Variants in DCUN1D5 observed in about 807,000 individuals in gnomAD.
DCUN1D5 encodes defective in cullin neddylation 1 domain containing 5.
Under a neutral mutation model 38.3 loss-of-function variants are expected in DCUN1D5, and 10 were observed. The ratio of observed to expected loss-of-function variants is 0.26; its 90% CI spans 0.16 to 0.44. The LOEUF is 0.44. Ranked by LOEUF, DCUN1D5 falls within the 20% of genes least tolerant of loss-of-function variation. The pLI is 1.00. For synonymous variants in DCUN1D5, 93 were observed against 90.9 expected, an observed-to-expected ratio of 1.02 and a Z score of -0.13; for missense variants, 148 against 275.3, an observed-to-expected ratio of 0.54 and a Z score of 3.27.
chr11:103,072,928 T>C (rs867507771), intron 4 of DCUN1D5, among the ~76,000 whole-genome samples: 1 of 152,012 alleles, frequency 6.6e-6, no homozygotes, highest in Non-Finnish European at 1.5e-5. Flanking sequence ...ATAAAAGATA[T>C]ATAGATCAGA....
At chr11:103,084,391 T>G (rs1378005771) in intron 2 of DCUN1D5, among the ~76,000 whole-genome samples, 1 of 152,220 alleles carries the variant, frequency 6.6e-6, no homozygotes, top group African/African-American at 2.4e-5. Flanking sequence ...TCTTGCTGCC[T>G]GAGATCCAAG....
At position 103,063,468 on chromosome 11, in the gene DCUN1D5, G is replaced by A. The variant is rs981330414; in HGVS notation, c.658+807C>T. ...ATACTAAATTTTATACCATCTTGTA[G>A]AGAGAGGACAAAATATATGTGGGAA... On this transcript the variant is annotated intron_variant, in intron 7 of 7. Coordinates refer to ENST00000260247, the MANE Select transcript of DCUN1D5 (RefSeq NM_032299.4). The surrounding 1 kb of genome is among the most constrained non-coding windows in gnomAD (Gnocchi z 4.6). Among the ~76,000 whole-genome samples, 5 of 152,040 alleles carry A rather than the reference G, an allele frequency of 3.3e-5. No homozygotes were observed. The highest frequency in any genetic ancestry group is 7.4e-5 in the Non-Finnish European group (5 of 67,960).
chr11:103,079,380 T>G (rs1453528797), intron 4 of DCUN1D5, among the ~76,000 whole-genome samples: 1 of 152,230 alleles, frequency 6.6e-6, no homozygotes, highest in Non-Finnish European at 1.5e-5. Context: ...TGATCACCAG[T>G]AAGTGATACT....
chr11:103,076,845 AT>A (rs764969430), intron 4 of DCUN1D5, among the ~76,000 whole-genome samples: 3 of 152,212 alleles, frequency 2.0e-5, no homozygotes. Flanking sequence ...ACGTCATACC[AT>A]TCCTAATGGT....
intron 2 of DCUN1D5, among the ~76,000 whole-genome samples, chr11:103,085,012 G>C (rs1862665569): frequency 6.6e-6 from 1 of 152,026 alleles, no homozygotes; most frequent in African/African-American, 2.4e-5. Context: ...AAAAAATTAA[G>C]GGAAAAGACA....
In DCUN1D5 at chr11:103,071,402, T is replaced by C. The variant is rs1365041727; in HGVS notation, c.342-4835A>G. Reference sequence around the variant, plus strand: ...AGGGATACACAATGAACATATACAATGTATGATAGTAAGGGATCACAATGA... The same window carrying C: ...AGGGATACACAATGAACATATACAACGTATGATAGTAAGGGATCACAATGA... On this transcript the variant is annotated intron_variant, in intron 4 of 7. Coordinates refer to ENST00000260247, the MANE Select transcript of DCUN1D5 (RefSeq NM_032299.4). This position sits in a 1 kb window ranked among gnomAD's most constrained non-coding sequence, Gnocchi z 4.1. 2.0e-5 allele frequency among the ~76,000 whole-genome samples: 3 copies of C among 151,970 alleles called. No homozygotes were observed. The highest frequency in any genetic ancestry group is 3.9e-4 in the East Asian group (2 of 5,184).
Position 103,091,935 on chromosome 11 carries a change from GC to G in DCUN1D5, c.-64del. 1 of 1,465,118 alleles carries G rather than the reference GC, an allele frequency of 6.8e-7. No homozygotes were observed. Among genetic ancestry groups the G allele is most frequent in the Non-Finnish European group, 9.3e-7 (1 of 1,076,810 alleles). The allele number at this position is 1,465,118 out of a possible 1,614,324, so 90.8% of individuals were successfully genotyped here. ...GGAAGGGGGTCCCTGTCCGCTGGAA[GC>G]CCCTCAGCGCTGGCACCCAGTTCCC... On this transcript the variant is annotated 5_prime_UTR_variant, in exon 1 of 8. Transcript: ENST00000260247. The surrounding 1 kb of genome is among the most constrained non-coding windows in gnomAD (Gnocchi z 4.3).
chr11:103,076,411 A>C (rs1323359065), intron 4 of DCUN1D5, among the ~76,000 whole-genome samples: 2 of 152,194 alleles, frequency 1.3e-5, no homozygotes, highest in African/African-American at 4.8e-5. Context: ...AGATATTATA[A>C]TATTTTCCAA....
intron 1 of DCUN1D5, among the ~76,000 whole-genome samples, chr11:103,090,628 C>G (rs1175038067): frequency 6.6e-6 from 1 of 152,160 alleles, no homozygotes; most frequent in African/African-American, 2.4e-5. Flanking sequence ...AAAAGCATTT[C>G]TCAGTCGGGC....
intron 4 of DCUN1D5, among the ~76,000 whole-genome samples, chr11:103,076,612 A>T (rs1303015932): frequency 6.6e-6 from 1 of 152,228 alleles, no homozygotes; most frequent in East Asian, 1.9e-4. Context: ...CCTCATTTTT[A>T]AAACGACGAT....
At position 103,078,083 on chromosome 11, in the gene DCUN1D5, A is replaced by G. The variant is rs1203743551; in HGVS notation, c.341+4665T>C. ...GGTCAAGCCATGCCATTCCTTTTACACTTCAAAGTCCGGGGCTCAATAGAG... is the reference window on the plus strand; with the variant it reads ...GGTCAAGCCATGCCATTCCTTTTACGCTTCAAAGTCCGGGGCTCAATAGAG... On this transcript the variant is annotated intron_variant, in intron 4 of 7. Transcript: ENST00000260247. The surrounding 1 kb of genome is among the most constrained non-coding windows in gnomAD (Gnocchi z 4.6). Among the ~76,000 whole-genome samples, 1 of 152,036 alleles carries G rather than the reference A, an allele frequency of 6.6e-6. No homozygotes were observed. The highest frequency in any genetic ancestry group is 1.5e-5 in the Non-Finnish European group (1 of 68,018).
At position 103,086,359 on chromosome 11, in the gene DCUN1D5, T is replaced by G. The variant is rs1862707938; in HGVS notation, c.178+2868A>C. 6.6e-6 allele frequency among the ~76,000 whole-genome samples: 1 copy of G among 152,184 alleles called. No homozygotes were observed. Among genetic ancestry groups the G allele is most frequent in the Non-Finnish European group, 1.5e-5 (1 of 68,040 alleles). On this transcript the variant is annotated intron_variant, in intron 2 of 7. Coordinates refer to ENST00000260247, the MANE Select transcript of DCUN1D5 (RefSeq NM_032299.4). The surrounding 1 kb of genome is among the most constrained non-coding windows in gnomAD (Gnocchi z 4.1). ...TATACCAGGTATTGTGCTAAGGGCT[T>G]TACATGTATTATTCTCAGTAGGCAA...
chr11:103,089,158 G>A lies in DCUN1D5; in HGVS notation c.178+69C>T, dbSNP rs180900206. 2.7e-6 allele frequency: 4 copies of A among 1,475,224 alleles called. No individual in the cohort carries two copies. In the African/African-American group the frequency reaches 4.2e-5, roughly 15 times the overall value. 91.4% of individuals were successfully genotyped at this position (1,475,224 alleles called of 1,614,324 possible). On this transcript the variant is annotated intron_variant, in intron 2 of 7. Coordinates refer to ENST00000260247, the MANE Select transcript of DCUN1D5 (RefSeq NM_032299.4). Reference sequence around the variant, plus strand: ...ATAGCAGGCCTGTAACAGATAATTTGTTAAATGAATAAGGCAAATAAACTT... The same window carrying A: ...ATAGCAGGCCTGTAACAGATAATTTATTAAATGAATAAGGCAAATAAACTT...
Position 103,078,261 on chromosome 11 carries a change from C to A in DCUN1D5, c.341+4487G>T, listed in dbSNP as rs1428150594. Among the ~76,000 whole-genome samples, 1 of 152,184 alleles carries A rather than the reference C, an allele frequency of 6.6e-6. No homozygotes were observed. The highest frequency in any genetic ancestry group is 1.5e-5 in the Non-Finnish European group (1 of 68,026). On this transcript the variant is annotated intron_variant, in intron 4 of 7. Coordinates refer to ENST00000260247, the MANE Select transcript of DCUN1D5 (RefSeq NM_032299.4). The surrounding 1 kb of genome is among the most constrained non-coding windows in gnomAD (Gnocchi z 4.6). ...TTCTCCACTGGTATAGTATTTCACC[C>A]TTGCTCCAACACCAGACTTTCAGCT...
rs1861903975 is a variant in DCUN1D5, at chr11:103,057,572, T to TA, written c.*4786dup. Among the ~76,000 whole-genome samples the TA allele has an allele frequency of 2.0e-5, 3 of 151,900 alleles. No homozygotes were observed. Among genetic ancestry groups the TA allele is most frequent in the African/African-American group, 7.2e-5 (3 of 41,442 alleles). ...CAAACAAAAAAAAAAATACAAAACTTAGCTGGGCATGGTGGCAGGCATCTG... is the reference window on the plus strand; with the variant it reads ...CAAACAAAAAAAAAAATACAAAACTTAAGCTGGGCATGGTGGCAGGCATCTG... On this transcript the variant is annotated 3_prime_UTR_variant, in exon 8 of 8. Coordinates refer to ENST00000260247, the MANE Select transcript of DCUN1D5 (RefSeq NM_032299.4). This position sits in a 1 kb window ranked among gnomAD's most constrained non-coding sequence, Gnocchi z 4.8.
Position 103,062,250 on chromosome 11 carries a change from G to GTCTT in DCUN1D5, c.*105_*108dup. On this transcript the variant is annotated 3_prime_UTR_variant, in exon 8 of 8. Transcript: ENST00000260247. The surrounding 1 kb of genome is among the most constrained non-coding windows in gnomAD (Gnocchi z 4.6). ...AAAGGAAAAAAAAGTACTATGAGAA[G>GTCTT]TCTTTCATATGAATGAAAATGCACC... The GTCTT allele has an allele frequency of 2.8e-6, 3 of 1,054,766 alleles. No individual in the cohort carries two copies. The highest frequency in any genetic ancestry group is 2.4e-5 in the East Asian group (1 of 41,794). 65.3% of individuals were successfully genotyped at this position (1,054,766 alleles called of 1,614,324 possible).
Position 103,083,863 on chromosome 11 carries a change from A to G in DCUN1D5, c.179-537T>C, listed in dbSNP as rs1445875871. Among the ~76,000 whole-genome samples, 1 of 152,172 alleles carries G rather than the reference A, an allele frequency of 6.6e-6. No individual in the cohort carries two copies. Among genetic ancestry groups the G allele is most frequent in the Non-Finnish European group, 1.5e-5 (1 of 67,984 alleles). ...AAAGGTATTTTGAAAATAATGACTT[A>G]TGGAAATTACTACATTCCATTTCCA... On this transcript the variant is annotated intron_variant, in intron 2 of 7. Coordinates refer to ENST00000260247, the MANE Select transcript of DCUN1D5 (RefSeq NM_032299.4). This position sits in a 1 kb window ranked among gnomAD's most constrained non-coding sequence, Gnocchi z 4.4.
rs1314351909 is a variant in DCUN1D5, at chr11:103,087,842, A to G, written c.178+1385T>C. Among the ~76,000 whole-genome samples the G allele has an allele frequency of 1.3e-5, 2 of 152,182 alleles. No homozygotes were observed. The highest frequency in any genetic ancestry group is 2.4e-5 in the African/African-American group (1 of 41,432). On this transcript the variant is annotated intron_variant, in intron 2 of 7. Coordinates refer to ENST00000260247, the MANE Select transcript of DCUN1D5 (RefSeq NM_032299.4). The surrounding 1 kb of genome is among the most constrained non-coding windows in gnomAD (Gnocchi z 4.1). ...CTAGGAAAGTTCCTAGTTGAGGCAAATATTTTCTATTTCTATTGTATCTAG... is the reference window on the plus strand; with the variant it reads ...CTAGGAAAGTTCCTAGTTGAGGCAAGTATTTTCTATTTCTATTGTATCTAG...
Position 103,092,110 on chromosome 11 carries a change from C to A in DCUN1D5, c.-238G>T. On this transcript the variant is annotated 5_prime_UTR_variant, in exon 1 of 8. Transcript: ENST00000260247. ...CGGTGGACACTGCGGTTCGTTCTCA[C>A]CGGGAGGAGATAACGCGGACAGCGC... is the stretch of plus-strand genomic sequence containing the variant. 4.1e-6 allele frequency: 2 copies of A among 487,994 alleles called. No homozygotes were observed. Among genetic ancestry groups the A allele is most frequent in the Non-Finnish European group, 3.6e-6 (1 of 275,884 alleles). 30.2% of individuals were successfully genotyped at this position (487,994 alleles called of 1,614,324 possible).
Sources: allele counts gnomAD v4.1 joint callset (sites outside exome capture counted in the v4.1 genomes callset), GRCh38; gene constraint gnomAD v4.1.1; non-coding constraint Gnocchi (gnomAD v3.1); transcripts MANE v1.5; gene names NCBI Gene and HGNC (gene_info 2026-07-23, HGNC 2026-07-21).